Variants in CAPN13 observed in about 807,000 individuals in gnomAD.
The protein encoded by CAPN13 is calpain-13.
CAPN13 carries 90 observed loss-of-function variants against 98.4 expected under a neutral mutation model. The ratio of observed to expected loss-of-function variants is 0.92; its 90% CI spans 0.77 to 1.09. CAPN13 has a LOEUF of 1.09. Among genes scored for constraint, CAPN13 ranks in the 50% least tolerant of loss-of-function variants. The pLI is 0.00. For synonymous variants in CAPN13, 330 were observed against 305.5 expected (o/e 1.08, Z -0.84); for missense variants, 887 against 841.3 (o/e 1.05, Z -0.67).
At chr2:30,736,065 G>C (rs1184600903) in intron 18 of CAPN13, among the ~76,000 whole-genome samples, 1 of 152,130 alleles carries the variant, frequency 6.6e-6, no homozygotes, top group Non-Finnish European at 1.5e-5. Context: ...CACTTAGAGG[G>C]TCTTGCGTGC....
intron 15 of CAPN13, among the ~76,000 whole-genome samples, chr2:30,739,200 G>A (rs1371130137): frequency 3.3e-5 from 5 of 152,110 alleles, no homozygotes; most frequent in Non-Finnish European, 7.4e-5. Context: ...TCTATATGCG[G>A]CTGTTCCTCA....
Position 30,743,434 on chromosome 2 carries a change from T to A in CAPN13, c.1394A>T (p.Lys465Ile). 6.2e-7 allele frequency: 1 copy of A among 1,614,034 alleles called. No individual in the cohort carries two copies. The highest frequency in any genetic ancestry group is 2.2e-5 in the East Asian group (1 of 44,890). Residue 465 changes from lysine (K) to isoleucine (I), a missense_variant, in exon 13 of 23, where the codon AAA (lysine) becomes ATA (isoleucine). Coordinates refer to ENST00000295055, the MANE Select transcript of CAPN13 (RefSeq NM_144575.3). Reference sequence around the variant, plus strand: ...GATTCGGAGCAAGAACTCCGCTGATTTTCTCCGTGTCTGTGCAACCACAAC... The same window carrying A: ...GATTCGGAGCAAGAACTCCGCTGATATTCTCCGTGTCTGTGCAACCACAAC... ...NYVVVAQTRR[K>I]SAEFLLRIFL...
Position 30,787,191 on chromosome 2 carries a change from A to G in CAPN13, c.135T>C (p.Ser45=). The G allele has an allele frequency of 1.2e-6, 2 of 1,600,266 alleles. No individual in the cohort carries two copies. Among genetic ancestry groups the G allele is most frequent in the Non-Finnish European group, 1.7e-6 (2 of 1,173,426 alleles). ...FKDETFPAAD[S]SIGQKLLQEK... ...CCTGGAGCAGCTTCTGGCCTATGGA[A>G]GAATCTGCTGCAGGGAATGTCTCAT... Residue 45 remains serine, a synonymous_variant, in exon 2 of 23, where the codon TCT becomes TCC. Coordinates refer to ENST00000295055, the MANE Select transcript of CAPN13 (RefSeq NM_144575.3).
intron 1 of CAPN13, among the ~76,000 whole-genome samples, chr2:30,806,578 A>G (rs985839607): frequency 6.6e-6 from 1 of 152,202 alleles, no homozygotes; most frequent in Non-Finnish European, 1.5e-5. Context: ...TCATGACCCA[A>G]CTGTAACTAT....
At chr2:30,768,531 C>A (rs2148032974) in intron 5 of CAPN13, among the ~76,000 whole-genome samples, 1 of 152,348 alleles carries the variant, frequency 6.6e-6, no homozygotes, top group South Asian at 2.1e-4. Context: ...CCCTGGGGAC[C>A]AGCCCCATGA....
chr2:30,745,604 T>G, intron 12 of CAPN13, 119 bp downstream of exon 12: 1 of 970,658 alleles, frequency 1.0e-6, no homozygotes, highest in Middle Eastern at 2.7e-4. Flanking sequence ...GATGTAAGAC[T>G]TAGCGAGACT....
chr2:30,751,139 T>G lies in CAPN13; in HGVS notation c.1200A>C (p.Glu400Asp). The G allele has an allele frequency of 6.2e-7, 1 of 1,613,896 alleles. No individual in the cohort carries two copies. Among genetic ancestry groups the G allele is most frequent in the East Asian group, 2.2e-5 (1 of 44,882 alleles). Residue 400 changes from glutamate to aspartate, a missense_variant, in exon 11 of 23, where the codon GAA (glutamate) becomes GAC (aspartate). Coordinates refer to ENST00000295055, the MANE Select transcript of CAPN13 (RefSeq NM_144575.3). The part of the protein sequence containing the change: ...VAVTPSNLKA[E>D]DAKFPLDFQV... ...GGAAATCGAGTGGAAATTTTGCATC[T>G]TCTGCTTTCAAATTTGATGGTGTGA...
intron 1 of CAPN13, among the ~76,000 whole-genome samples, chr2:30,800,531 G>T (rs973451701): frequency 6.6e-6 from 1 of 152,178 alleles, no homozygotes; most frequent in Non-Finnish European, 1.5e-5. Flanking sequence ...AACTCTATGG[G>T]CCTTGGGCAC....
At chr2:30,797,930 C>G (rs1437502914) in intron 1 of CAPN13, among the ~76,000 whole-genome samples, 1 of 152,246 alleles carries the variant, frequency 6.6e-6, no homozygotes, top group Non-Finnish European at 1.5e-5. Context: ...CTTACCCTGT[C>G]CTACACGATG....
At chr2:30,752,916 T>A in intron 10 of CAPN13, 137 bp downstream of exon 10, 1 of 935,756 alleles carries the variant, frequency 1.1e-6, no homozygotes, top group Admixed American at 2.2e-5. Flanking sequence ...TGTCTCTTCA[T>A]GCTGACAAAC....
intron 2 of CAPN13, among the ~76,000 whole-genome samples, chr2:30,785,472 C>T (rs544287951): frequency 2.6e-5 from 4 of 152,316 alleles, no homozygotes; most frequent in African/African-American, 9.6e-5. Flanking sequence ...CCAGTCCCCC[C>T]AGTAGAGCTC....
At chr2:30,772,037 T>C (rs1444472914) in intron 4 of CAPN13, among the ~76,000 whole-genome samples, 3 of 152,176 alleles carry the variant, frequency 2.0e-5, no homozygotes, top group Admixed American at 1.3e-4. Context: ...TCTGGTTAGT[T>C]CATCTTAAAA....
chr2:30,787,086 G>A (rs746753880), intron 2 of CAPN13, 42 bp downstream of exon 2: 16 of 1,473,228 alleles, frequency 1.1e-5, no homozygotes, highest in African/African-American at 1.4e-5. Flanking sequence ...AGGCGACTCC[G>A]AGGACCCTGG....
chr2:30,739,203 G>T (rs986732625), intron 15 of CAPN13, among the ~76,000 whole-genome samples: 1 of 152,144 alleles, frequency 6.6e-6, no homozygotes, highest in African/African-American at 2.4e-5. Context: ...ATATGCGGCT[G>T]TTCCTCATGT....
chr2:30,732,202 G>A (rs182380539), intron 20 of CAPN13, among the ~76,000 whole-genome samples: 1 of 152,244 alleles, frequency 6.6e-6, no homozygotes, highest in East Asian at 1.9e-4. Context: ...CTGAGAGAGG[G>A]GCTGGTCAGG....
At chr2:30,734,378 G>C (rs1671249439) in intron 19 of CAPN13, 71 bp downstream of exon 19, 1 of 1,180,116 alleles carries the variant, frequency 8.5e-7, no homozygotes, top group Non-Finnish European at 1.3e-6. Context: ...TGCCAGCCTT[G>C]CTACTAGGGG....
intron 20 of CAPN13, 122 bp downstream of exon 20, chr2:30,732,316 T>C (rs1671143203): frequency 7.8e-7 from 1 of 1,283,482 alleles, no homozygotes; most frequent in Admixed American, 2.1e-5. Context: ...TCACACAGGC[T>C]GCTGGCCCAC....
intron 8 of CAPN13, among the ~76,000 whole-genome samples, 195 bp from the exon 9 acceptor site, chr2:30,754,559 T>G (rs946994900): frequency 6.6e-6 from 1 of 152,166 alleles, no homozygotes; most frequent in South Asian, 2.1e-4. Context: ...AGCCTGGTCT[T>G]CTTTCCTGAA....
chr2:30,753,268 T>A, intron 9 of CAPN13, 70 bp from the exon 10 acceptor site: 1 of 1,519,490 alleles, frequency 6.6e-7, no homozygotes, highest in Non-Finnish European at 9.1e-7. Flanking sequence ...TCCTATGACT[T>A]CACAGCATAG....
Sources: gnomAD v4.1 joint callset for allele counts (sites outside exome capture counted in the v4.1 genomes callset) on GRCh38, gnomAD v4.1.1 for gene constraint, MANE v1.5 for transcripts, NCBI Gene and HGNC (gene_info 2026-07-23, HGNC 2026-07-21) for gene names.